The following INPP4B variants were observed in gnomAD, a reference collection of about 807,000 sequenced individuals.
INPP4B encodes the protein inositol polyphosphate 4-phosphatase type II.
In INPP4B, 55 loss-of-function variants were observed where a neutral mutation model predicts 122.5. The ratio of observed to expected loss-of-function variants is 0.45; its 90% confidence interval spans 0.36 to 0.56. The LOEUF is 0.56. Among genes scored for constraint, INPP4B ranks in the 20% least tolerant of loss-of-function variants. The probability of loss-of-function intolerance (pLI) is 0.00; values close to 1 mark genes in which losing one functional copy is unlikely to be tolerated. For synonymous variants in INPP4B, 403 were observed against 388.7 expected (o/e 1.04, Z -0.43); for missense variants, 1,000 against 1,097.7 (o/e 0.91, Z 1.26).
In INPP4B at chr4:142,491,128, G is replaced by T. The variant is rs556405313; in HGVS notation, c.-190-28402C>A. On this transcript the variant is annotated intron_variant, in intron 2 of 25. Coordinates refer to ENST00000262992, the MANE Select transcript of INPP4B (RefSeq NM_001101669.3). ...AAGGTAGTTCTATTTTTAATTTTTT[G>T]GGGGCCCCCACACTGTTCTCTACAA... 2.4e-3 allele frequency among the ~76,000 whole-genome samples: 364 copies of T among 151,872 alleles called. 1 individual carries two copies. The highest frequency in any genetic ancestry group is 3.5e-3 in the Non-Finnish European group (241 of 67,910).
chr4:142,497,996 G>T (rs1465916290), intron 2 of INPP4B, among the ~76,000 whole-genome samples: 1 of 152,002 alleles, frequency 6.6e-6, no homozygotes, highest in Non-Finnish European at 1.5e-5. Flanking sequence ...AAAAACTGCA[G>T]TCAAAGCATA....
intron 1 of INPP4B, among the ~76,000 whole-genome samples, chr4:142,828,613 G>C (rs936222621): frequency 1.3e-5 from 2 of 152,124 alleles, no homozygotes; most frequent in African/African-American, 4.8e-5. Flanking sequence ...GAATAGCAGA[G>C]ATTAATTTTA....
At chr4:142,113,022 G>A (rs1472062311) in intron 21 of INPP4B, among the ~76,000 whole-genome samples, 1 of 151,984 alleles carries the variant, frequency 6.6e-6, no homozygotes, top group Non-Finnish European at 1.5e-5. Context: ...CTAAGAATAA[G>A]AGCAATAATT....
At chr4:142,481,005 CGAACCTATA>C (rs1820448416) in intron 2 of INPP4B, among the ~76,000 whole-genome samples, 1 of 151,618 alleles carries the variant, frequency 6.6e-6, no homozygotes, top group Admixed American at 6.6e-5. Flanking sequence ...CATGGTGGCA[CGAACCTATA>C]GTCCCAGCTA....
At chr4:142,609,194 A>G (rs974805654) in intron 2 of INPP4B, among the ~76,000 whole-genome samples, 2 of 151,062 alleles carry the variant, frequency 1.3e-5, no homozygotes, top group African/African-American at 4.8e-5. Context: ...ATATTATTAA[A>G]TATAAATATT....
chr4:142,297,576 C>G (rs1165464571), intron 9 of INPP4B, among the ~76,000 whole-genome samples: 1 of 152,168 alleles, frequency 6.6e-6, no homozygotes, highest in East Asian at 1.9e-4. Flanking sequence ...ACCACTGTTC[C>G]TACTTCACCT....
intron 7 of INPP4B, among the ~76,000 whole-genome samples, chr4:142,332,959 C>T (rs1352419368): frequency 1.4e-5 from 2 of 142,454 alleles, no homozygotes; most frequent in Admixed American, 7.5e-5. Flanking sequence ...TGTAGTAAGC[C>T]GAGATCGCGC....
In INPP4B at chr4:142,026,060, A is replaced by T. The variant is rs1736904694; in HGVS notation, c.*2722T>A. Reference sequence around the variant, plus strand: ...ATCAAAGGGGAACATATTATTTTTGAGCAAAAAAAGAGTTTGGAAATGTCA... The same window carrying T: ...ATCAAAGGGGAACATATTATTTTTGTGCAAAAAAAGAGTTTGGAAATGTCA... On this transcript the variant is annotated 3_prime_UTR_variant, in exon 26 of 26. Coordinates refer to ENST00000262992, the MANE Select transcript of INPP4B (RefSeq NM_001101669.3). The T allele has an allele frequency of 6.8e-6, 1 of 147,682 alleles. No homozygotes were observed. 9.1% of individuals were successfully genotyped at this position (147,682 alleles called of 1,614,324 possible).
chr4:142,277,209 A>G (rs1406754246), intron 9 of INPP4B, among the ~76,000 whole-genome samples: 1 of 142,404 alleles, frequency 7.0e-6, no homozygotes, highest in African/African-American at 2.6e-5. Flanking sequence ...GATTTGTTTG[A>G]GTTTCTTCTG....
intron 7 of INPP4B, among the ~76,000 whole-genome samples, chr4:142,370,808 C>T (rs980739575): frequency 6.6e-6 from 1 of 151,896 alleles, no homozygotes; most frequent in Non-Finnish European, 1.5e-5. Context: ...AATGGAAAAA[C>T]AACCCATGCT....
intron 7 of INPP4B, among the ~76,000 whole-genome samples, chr4:142,356,669 G>A (rs1416120164): frequency 2.0e-5 from 3 of 151,922 alleles, no homozygotes; most frequent in Admixed American, 1.3e-4. Context: ...AGTGTTAGGT[G>A]CATCTTTTGT....
Position 142,370,146 on chromosome 4 carries a change from A to C in INPP4B, c.372+32792T>G, listed in dbSNP as rs6810522. Among the ~76,000 whole-genome samples, 1,116 of 152,272 alleles carry C rather than the reference A, an allele frequency of 7.3e-3. 11 individuals are homozygous for C. The highest frequency in any genetic ancestry group is 0.026 in the African/African-American group (1,065 of 41,556). ...ACTTGATAGGGAAGTTAGATGCTCA[A>C]GGTCACAGACAGCCAATAAATACTC... On this transcript the variant is annotated intron_variant, in intron 7 of 25. Coordinates refer to ENST00000262992, the MANE Select transcript of INPP4B (RefSeq NM_001101669.3).
chr4:142,159,355 A>G (rs140028638), intron 17 of INPP4B, among the ~76,000 whole-genome samples: 1 of 152,126 alleles, frequency 6.6e-6, no homozygotes, highest in East Asian at 1.9e-4. Flanking sequence ...TGCAATTTTA[A>G]TCACCAACGA....
chr4:142,554,365 TAA>T (rs11363091), intron 2 of INPP4B, among the ~76,000 whole-genome samples: 89,301 of 123,476 alleles, frequency 0.72, 33,195 homozygotes, highest in East Asian at 0.9. Flanking sequence ...CTTGCAATAG[TAA>T]AAAAAAAAAA....
chr4:142,632,514 C>A (rs1246802175), intron 2 of INPP4B, among the ~76,000 whole-genome samples: 4 of 151,376 alleles, frequency 2.6e-5, no homozygotes, highest in African/African-American at 9.7e-5. Flanking sequence ...AATAATAGGA[C>A]CTAGTATTTG....
rs116367401 is a variant in INPP4B at position 142,343,498 on chromosome 4, C to T, written c.373-28736G>A. Among the ~76,000 whole-genome samples the T allele has an allele frequency of 1.0e-2, 1,511 of 151,780 alleles. 34 individuals carry two copies. The highest frequency in any genetic ancestry group is 0.035 in the African/African-American group (1,437 of 41,414). On this transcript the variant is annotated intron_variant, in intron 7 of 25. Transcript: ENST00000262992. ...CTGTTAAGGCTTAAAAAAAAAAACC[C>T]CGAGAGTTTCTAATAAATCAAACTA...
intron 12 of INPP4B, among the ~76,000 whole-genome samples, chr4:142,209,243 C>A (rs2149530351): frequency 6.6e-6 from 1 of 152,090 alleles, no homozygotes; most frequent in African/African-American, 2.4e-5. Context: ...TGTCAAAGGG[C>A]AAAAAATTAG....
chr4:142,435,584 A>G (rs1007078427), intron 3 of INPP4B, among the ~76,000 whole-genome samples: 8 of 152,162 alleles, frequency 5.3e-5, no homozygotes, highest in African/African-American at 9.7e-5. Context: ...CAACTGAGGT[A>G]TCCAGTTCTG....
intron 1 of INPP4B, among the ~76,000 whole-genome samples, chr4:142,791,704 G>A (rs78284521): frequency 0.013 from 1,909 of 152,128 alleles, 18 homozygotes; most frequent in Non-Finnish European, 0.018. Flanking sequence ...CATCCTCAGG[G>A]ATCATGAATG....
Sources: allele counts gnomAD v4.1 joint callset (sites outside exome capture counted in the v4.1 genomes callset), GRCh38; gene constraint gnomAD v4.1.1; transcripts MANE v1.5; gene names NCBI Gene and HGNC (gene_info 2026-07-23, HGNC 2026-07-21).